SDK1: variants seen among roughly 807,000 people sequenced by gnomAD.
SDK1 encodes protein sidekick-1.
In SDK1, 157 loss-of-function variants were observed where a neutral mutation model predicts 245.5. The observed-to-expected ratio is 0.64, with a 90% CI of 0.56 to 0.73. SDK1 has a LOEUF of 0.73. SDK1 is among the 30% of genes least tolerant of loss of function. SDK1 has a pLI of 0.00. For synonymous variants in SDK1, 1,647 were observed against 1,278.5 expected (o/e 1.29, Z -6.15); for missense variants, 3,583 against 3,002.3 (o/e 1.19, Z -4.52).
At chr7:3,722,231 G>A (rs1198563185) in intron 4 of SDK1, among the ~76,000 whole-genome samples, 1 of 152,034 alleles carries the variant, frequency 6.6e-6, no homozygotes, top group African/African-American at 2.4e-5. Flanking sequence ...ACCCTGGCTT[G>A]GTAGACTGTA....
chr7:4,199,255 C>G (rs1324451087), intron 35 of SDK1, among the ~76,000 whole-genome samples: 2 of 152,194 alleles, frequency 1.3e-5, no homozygotes, highest in African/African-American at 4.8e-5. Flanking sequence ...CTGTCATGAT[C>G]TGTGAGGACC....
At chr7:3,980,723 C>A (rs1297911949) in intron 13 of SDK1, among the ~76,000 whole-genome samples, 1 of 152,194 alleles carries the variant, frequency 6.6e-6, no homozygotes, top group East Asian at 1.9e-4. Flanking sequence ...GCAGGTAGAT[C>A]ACGAGGTCAA....
rs1779923750 is a variant in SDK1 at position 4,145,746 on chromosome 7, C to T, written c.4253C>T (p.Ala1418Val). 1 of 1,609,892 alleles carries T rather than the reference C, an allele frequency of 6.2e-7. No individual in the cohort carries two copies. Among genetic ancestry groups the T allele is most frequent in the Admixed American group, 1.7e-5 (1 of 59,404 alleles). Residue 1418 changes from alanine to valine, a missense_variant, in exon 29 of 45, where the codon GCC becomes GTC. By Grantham distance (64) the Ala-to-Val change is moderately conservative (BLOSUM62 0). Coordinates refer to ENST00000404826, the MANE Select transcript of SDK1 (RefSeq NM_152744.4). Reference protein sequence around the residue: ...ILGYQIAYRLASSSPHTFTTV... With the variant: ...ILGYQIAYRLVSSSPHTFTTV... ...GGGTACCAGATTGCCTACCGCCTGG[C>T]CAGCAGCAGCCCCCACACCTTCACC...
intron 1 of SDK1, among the ~76,000 whole-genome samples, chr7:3,415,892 C>T (rs1227762197): frequency 6.6e-6 from 1 of 152,002 alleles, no homozygotes; most frequent in African/African-American, 2.4e-5. Flanking sequence ...CAAGATAGGG[C>T]AGGACTAATG....
rs528847616 is a variant in SDK1 at position 3,753,820 on chromosome 7, G to C, written c.714-67630G>C. Among the ~76,000 whole-genome samples the C allele has an allele frequency of 2.6e-5, 4 of 152,216 alleles. 1 individual carries two copies. The highest frequency in any genetic ancestry group is 9.6e-5 in the African/African-American group (4 of 41,540). On this transcript the variant is annotated intron_variant, in intron 4 of 44. Transcript: ENST00000404826. ...ATTTTAAAAGGCATGTTTCCACGTA[G>C]CTAGAATTGAATACTTGGTATTACT...
chr7:4,095,151 C>T (rs1252157530), intron 22 of SDK1, among the ~76,000 whole-genome samples: 2 of 151,784 alleles, frequency 1.3e-5, no homozygotes, highest in Non-Finnish European at 2.9e-5. Context: ...TGAGCTCTTC[C>T]TCAGCTCCCC....
intron 1 of SDK1, among the ~76,000 whole-genome samples, chr7:3,399,620 C>T (rs75682487): frequency 0.061 from 9,316 of 152,198 alleles, 794 homozygotes; most frequent in African/African-American, 0.19. Context: ...ATAGTGACTT[C>T]TCTGGACTAA....
intron 32 of SDK1, among the ~76,000 whole-genome samples, chr7:4,164,426 C>G (rs1175502295): frequency 6.6e-6 from 1 of 152,134 alleles, no homozygotes; most frequent in Non-Finnish European, 1.5e-5. Context: ...AGCTTCAGCC[C>G]TGACTCCCGT....
At chr7:3,727,959 C>A (rs767018931) in intron 4 of SDK1, among the ~76,000 whole-genome samples, 1 of 152,302 alleles carries the variant, frequency 6.6e-6, no homozygotes, top group East Asian at 1.9e-4. Context: ...TTTCCAGTCT[C>A]TGGCAGTTTC....
chr7:3,351,794 G>T (rs536070994), intron 1 of SDK1, among the ~76,000 whole-genome samples: 25 of 152,220 alleles, frequency 1.6e-4, no homozygotes, highest in African/African-American at 5.8e-4. Context: ...AATCCTAGTG[G>T]GAAGTTAACA....
chr7:3,815,144 C>T (rs1779475532), intron 4 of SDK1, among the ~76,000 whole-genome samples: 1 of 103,932 alleles, frequency 9.6e-6, no homozygotes, highest in South Asian at 4.2e-4. Flanking sequence ...GAACTTCCAA[C>T]ACTATGTTGA....
In SDK1 at chr7:3,639,712, A is replaced by C. The variant is rs1033333440; in HGVS notation, c.565+602A>C. 4.1e-4 allele frequency among the ~76,000 whole-genome samples: 63 copies of C among 152,188 alleles called. 1 individual carries two copies. The highest frequency in any genetic ancestry group is 1.9e-4 in the Non-Finnish European group (13 of 68,036). On this transcript the variant is annotated intron_variant, in intron 3 of 44. Transcript: ENST00000404826. ...AGAAACAGGAGAGCGAACTTGGCCT[A>C]TGAAAGTATTTAGTCCTTTTTCTAA...
chr7:3,372,716 G>A (rs553997514), intron 1 of SDK1, among the ~76,000 whole-genome samples: 2 of 152,280 alleles, frequency 1.3e-5, no homozygotes, highest in South Asian at 4.1e-4. Context: ...TACATCCTTA[G>A]TGATCCATGC....
intron 1 of SDK1, among the ~76,000 whole-genome samples, chr7:3,315,721 T>A (rs955711035): frequency 2.8e-4 from 42 of 152,276 alleles, no homozygotes; most frequent in African/African-American, 1.0e-3. Flanking sequence ...ATGAAAGCAA[T>A]TAGAATTATT....
chr7:4,076,699 C>T (rs1420959835), intron 20 of SDK1, among the ~76,000 whole-genome samples: 1 of 152,214 alleles, frequency 6.6e-6, no homozygotes, highest in Non-Finnish European at 1.5e-5. Flanking sequence ...GCACCTGGTG[C>T]TGAGGTTACC....
intron 1 of SDK1, among the ~76,000 whole-genome samples, chr7:3,391,793 A>G (rs115786657): frequency 0.05 from 7,542 of 151,326 alleles, 516 homozygotes; most frequent in African/African-American, 0.15. Context: ...ATGCCTGGCT[A>G]ATTTTTGTAT....
intron 34 of SDK1, 95 bp downstream of exon 34, chr7:4,175,929 A>T (rs1423214728): frequency 5.8e-6 from 6 of 1,038,664 alleles, no homozygotes; most frequent in South Asian, 5.1e-5. Context: ...ACCAGCCTGG[A>T]TTAATGGCTC....
chr7:3,646,690 C>G (rs73039674), intron 4 of SDK1, among the ~76,000 whole-genome samples: 2 of 152,004 alleles, frequency 1.3e-5, no homozygotes, highest in African/African-American at 4.8e-5. Context: ...ATACATTGCT[C>G]TAGTCTTTCT....
chr7:3,693,719 A>C (rs961031482), intron 4 of SDK1, among the ~76,000 whole-genome samples: 1 of 152,160 alleles, frequency 6.6e-6, no homozygotes, highest in East Asian at 1.9e-4. Flanking sequence ...CAGGAGGTCT[A>C]GTTTCACATC....
Sources: allele counts gnomAD v4.1 joint callset (sites outside exome capture counted in the v4.1 genomes callset), GRCh38; gene constraint gnomAD v4.1.1; transcripts MANE v1.5; gene names NCBI Gene and HGNC (gene_info 2026-07-23, HGNC 2026-07-21).